Variants in AGBL4 observed in about 807,000 individuals in gnomAD.
AGBL4 encodes cytosolic carboxypeptidase 6.
Under a neutral mutation model 66.4 loss-of-function variants are expected in AGBL4, and 58 were observed. The ratio of observed to expected loss-of-function variants is 0.87; its 90% CI spans 0.71 to 1.09. The LOEUF is 1.09. Among genes scored for constraint, AGBL4 ranks in the 50% least tolerant of loss-of-function variants. The pLI, the probability that AGBL4 is intolerant of heterozygous loss-of-function variation, is 0.00. For synonymous variants in AGBL4, 234 were observed against 222.9 expected, an observed-to-expected ratio of 1.05 and a Z score of -0.44; for missense variants, 579 against 631.0, an observed-to-expected ratio of 0.92 and a Z score of 0.88.
chr1:49,733,549 G>A (rs999631980), intron 2 of AGBL4, among the ~76,000 whole-genome samples: 11 of 152,110 alleles, frequency 7.2e-5, no homozygotes, highest in Admixed American at 7.2e-4. Context: ...CAAGATGAAG[G>A]AGCCAGTGAA....
At chr1:49,594,595 T>C (rs934289980) in intron 3 of AGBL4, among the ~76,000 whole-genome samples, 1 of 152,182 alleles carries the variant, frequency 6.6e-6, no homozygotes, top group African/African-American at 2.4e-5. Context: ...CAACTCCCAC[T>C]TACAAGTGAG....
At chr1:49,664,722 G>A (rs954619759) in intron 3 of AGBL4, among the ~76,000 whole-genome samples, 6 of 152,022 alleles carry the variant, frequency 3.9e-5, no homozygotes, top group African/African-American at 1.4e-4. Context: ...ATTTCTGACA[G>A]CTTTCTGTAG....
intron 1 of AGBL4, among the ~76,000 whole-genome samples, chr1:49,877,668 C>T (rs1419390974): frequency 1.3e-5 from 2 of 152,010 alleles, no homozygotes; most frequent in Non-Finnish European, 1.5e-5. Context: ...ATGATGCTGG[C>T]CTCATCAAAT....
intron 4 of AGBL4, among the ~76,000 whole-genome samples, chr1:49,097,086 G>T (rs940570379): frequency 6.6e-6 from 1 of 152,166 alleles, no homozygotes. Flanking sequence ...GAATAAAATT[G>T]TGTTGTTGTA....
chr1:49,924,579 G>T (rs541408036), intron 1 of AGBL4, among the ~76,000 whole-genome samples: 1 of 152,114 alleles, frequency 6.6e-6, no homozygotes, highest in African/African-American at 2.4e-5. Context: ...AAGGCATACT[G>T]CTGGTCACTG....
intron 2 of AGBL4, among the ~76,000 whole-genome samples, chr1:49,746,511 A>G (rs1272190125): frequency 2.6e-5 from 4 of 152,030 alleles, no homozygotes; most frequent in Non-Finnish European, 4.4e-5. Context: ...AAAGGTTTCC[A>G]TGAATGGCTT....
intron 4 of AGBL4, among the ~76,000 whole-genome samples, chr1:49,167,584 G>C (rs1005058150): frequency 6.6e-6 from 1 of 152,180 alleles, no homozygotes; most frequent in Non-Finnish European, 1.5e-5. Flanking sequence ...CTGAGGCCTA[G>C]AGAATGAAAA....
intron 2 of AGBL4, among the ~76,000 whole-genome samples, chr1:49,849,499 A>G (rs1426375418): frequency 6.7e-6 from 1 of 148,480 alleles, no homozygotes; most frequent in East Asian, 2.0e-4. Context: ...ACACACACAC[A>G]CACACACACA....
chr1:48,869,650 T>C (rs566385767), intron 5 of AGBL4, among the ~76,000 whole-genome samples: 4 of 152,254 alleles, frequency 2.6e-5, no homozygotes, highest in Admixed American at 2.6e-4. Flanking sequence ...AACTCTAAAA[T>C]GAGCAAGTGA....
At chr1:49,634,700 T>C (rs561230207) in intron 3 of AGBL4, among the ~76,000 whole-genome samples, 6 of 152,324 alleles carry the variant, frequency 3.9e-5, no homozygotes, top group African/African-American at 1.2e-4. Flanking sequence ...AGTGTTCCTA[T>C]TTCTCCACAT....
chr1:48,922,611 T>A (rs747017144), intron 5 of AGBL4, among the ~76,000 whole-genome samples: 2 of 152,180 alleles, frequency 1.3e-5, no homozygotes, highest in African/African-American at 2.4e-5. Context: ...GGCACCGGAC[T>A]TAGACACATG....
At chr1:49,609,126 G>A (rs890785311) in intron 3 of AGBL4, among the ~76,000 whole-genome samples, 3 of 152,084 alleles carry the variant, frequency 2.0e-5, no homozygotes, top group Admixed American at 6.5e-5. Context: ...GAAAAGGTCC[G>A]CATTGTAACC....
At chr1:48,827,642 G>A (rs562610371) in intron 6 of AGBL4, among the ~76,000 whole-genome samples, 7 of 152,300 alleles carry the variant, frequency 4.6e-5, no homozygotes, top group African/African-American at 1.4e-4. Flanking sequence ...ACTACTGTGT[G>A]CAGACATGTA....
At chr1:49,142,807 T>C (rs929890613) in intron 4 of AGBL4, among the ~76,000 whole-genome samples, 2 of 152,136 alleles carry the variant, frequency 1.3e-5, no homozygotes, top group African/African-American at 2.4e-5. Flanking sequence ...CAAAAAGTTT[T>C]ATAATTCATA....
chr1:48,890,266 T>C (rs1650809905), intron 5 of AGBL4, among the ~76,000 whole-genome samples: 2 of 152,142 alleles, frequency 1.3e-5, no homozygotes, highest in Admixed American at 1.3e-4. Context: ...TGCAGTGGTT[T>C]AGCCTCCAAG....
intron 3 of AGBL4, among the ~76,000 whole-genome samples, chr1:49,344,376 G>C (rs571182968): frequency 1.3e-5 from 2 of 152,108 alleles, no homozygotes; most frequent in African/African-American, 2.4e-5. Flanking sequence ...AAGGAAAGTA[G>C]AATATGTTTT....
chr1:49,878,647 G>A (rs1282885360), intron 1 of AGBL4, among the ~76,000 whole-genome samples: 1 of 151,980 alleles, frequency 6.6e-6, no homozygotes, highest in Non-Finnish European at 1.5e-5. Context: ...TTGATTTGGG[G>A]TGGAGAGTTC....
intron 2 of AGBL4, among the ~76,000 whole-genome samples, chr1:49,775,450 G>T (rs1644171732): frequency 6.6e-6 from 1 of 152,052 alleles, no homozygotes; most frequent in Non-Finnish European, 1.5e-5. Context: ...TGTGCAAATA[G>T]ATTTTTTTCA....
chr1:49,600,822 C>G (rs762192265), intron 3 of AGBL4, among the ~76,000 whole-genome samples: 14 of 152,184 alleles, frequency 9.2e-5, no homozygotes, highest in Non-Finnish European at 1.8e-4. Flanking sequence ...CAAAATCTCT[C>G]AGCATTTACT....
Sources: gnomAD v4.1 joint callset for allele counts (sites outside exome capture counted in the v4.1 genomes callset) on GRCh38, gnomAD v4.1.1 for gene constraint, MANE v1.5 for transcripts, NCBI Gene and HGNC (gene_info 2026-07-23, HGNC 2026-07-21) for gene names.